VAT1L: variants seen among roughly 807,000 people sequenced by gnomAD.
VAT1L encodes vesicle amine transport 1 like, also known as putative NADPH-dependent quinone oxidoreductase VAT1L.
VAT1L carries 34 observed loss-of-function variants against 44.1 expected under a neutral mutation model. The observed-to-expected ratio is 0.77, with a 90% CI of 0.59 to 1.03. The LOEUF is 1.03. VAT1L is among the 50% of genes least tolerant of loss of function. VAT1L has a pLI of 0.00. For synonymous variants in VAT1L, 253 were observed against 202.2 expected (o/e 1.25, Z -2.13); for missense variants, 615 against 538.8 (o/e 1.14, Z -1.40).
chr16:77,865,969 T>C (rs1420233726), intron 4 of VAT1L, among the ~76,000 whole-genome samples: 5 of 152,238 alleles, frequency 3.3e-5, no homozygotes, highest in Non-Finnish European at 1.5e-5. Flanking sequence ...TGTCTGCTGA[T>C]GTCAGAAGAA....
chr16:77,946,279 CTTTTTTTT>C (rs66461822), intron 7 of VAT1L, among the ~76,000 whole-genome samples: 25 of 70,420 alleles, frequency 3.6e-4, no homozygotes, highest in Admixed American at 9.2e-4. Context: ...GTTACTTGTT[CTTTTTTTT>C]TTTTTTTTTT....
chr16:77,842,842 G>T (rs2016720394), intron 3 of VAT1L, among the ~76,000 whole-genome samples: 2 of 152,170 alleles, frequency 1.3e-5, no homozygotes, highest in Non-Finnish European at 2.9e-5. Context: ...ATTTTACCAT[G>T]TAAATTTGTA....
At chr16:77,907,660 T>C (rs7200115) in intron 7 of VAT1L, among the ~76,000 whole-genome samples, 108,086 of 151,924 alleles carry the variant, frequency 0.71, 38,691 homozygotes, top group South Asian at 0.87. Context: ...CTATAAGCTT[T>C]CTAAAAGCAG....
intron 7 of VAT1L, among the ~76,000 whole-genome samples, chr16:77,927,311 C>T (rs1302527787): frequency 6.8e-6 from 1 of 146,648 alleles, no homozygotes; most frequent in African/African-American, 2.5e-5. Context: ...ACACTCCAGC[C>T]TGGGTGACAG....
At chr16:77,915,613 T>G (rs1420085457) in intron 7 of VAT1L, among the ~76,000 whole-genome samples, 3 of 151,984 alleles carry the variant, frequency 2.0e-5, no homozygotes, top group African/African-American at 7.3e-5. Context: ...AGTGCATGGG[T>G]TAAAACTGCA....
intron 7 of VAT1L, among the ~76,000 whole-genome samples, chr16:77,949,126 C>G (rs2018008684): frequency 6.6e-6 from 1 of 152,094 alleles, no homozygotes. Context: ...AGAGAACAAA[C>G]AGGAGGCTAG....
chr16:77,944,435 G>A (rs180877699), intron 7 of VAT1L, among the ~76,000 whole-genome samples: 38 of 152,268 alleles, frequency 2.5e-4, no homozygotes, highest in African/African-American at 8.2e-4. Context: ...AAGGATAATG[G>A]GCATGACAGA....
At chr16:77,925,236 G>T (rs564754679) in intron 7 of VAT1L, among the ~76,000 whole-genome samples, 2 of 152,132 alleles carry the variant, frequency 1.3e-5, no homozygotes, top group East Asian at 3.9e-4. Context: ...GGAGAGTGAG[G>T]GCCTCCTTAA....
intron 3 of VAT1L, among the ~76,000 whole-genome samples, chr16:77,841,512 C>G (rs1233025363): frequency 6.6e-6 from 1 of 152,218 alleles, no homozygotes; most frequent in Admixed American, 6.5e-5. Flanking sequence ...TAATGGTAGT[C>G]ATGGGACACT....
At chr16:77,828,924 A>T (rs939725935) in intron 3 of VAT1L, among the ~76,000 whole-genome samples, 2 of 152,100 alleles carry the variant, frequency 1.3e-5, no homozygotes, top group Non-Finnish European at 2.9e-5. Flanking sequence ...TAATATCCCA[A>T]ATCTGTGTTT....
At chr16:77,968,882 G>T (rs375746904) in intron 7 of VAT1L, among the ~76,000 whole-genome samples, 1 of 152,014 alleles carries the variant, frequency 6.6e-6, no homozygotes, top group South Asian at 2.1e-4. Context: ...ACAGTGGCGC[G>T]ATTTCAGCTC....
intron 7 of VAT1L, among the ~76,000 whole-genome samples, chr16:77,948,017 C>T (rs2017991446): frequency 6.6e-6 from 1 of 152,210 alleles, no homozygotes; most frequent in Non-Finnish European, 1.5e-5. Context: ...ACCTGGGCCT[C>T]CCAAAGTGCT....
At chr16:77,851,315 C>T (rs1475531122) in intron 3 of VAT1L, among the ~76,000 whole-genome samples, 3 of 152,214 alleles carry the variant, frequency 2.0e-5, no homozygotes, top group African/African-American at 4.8e-5. Flanking sequence ...ATTAGTAAAC[C>T]GAAGACCATA....
In VAT1L at chr16:77,915,353, CAG is replaced by C. The variant is rs1232275994; in HGVS notation, c.1077+30556_1077+30557del. 4.6e-5 allele frequency among the ~76,000 whole-genome samples: 7 copies of C among 152,286 alleles called. No homozygotes were observed. In the South Asian group the frequency reaches 1.0e-3, roughly 23 times the overall value. On this transcript the variant is annotated intron_variant, in intron 7 of 8. Coordinates refer to ENST00000302536, the MANE Select transcript of VAT1L (RefSeq NM_020927.3). ...AAATGTATGCATATACGGATTTTTT[CAG>C]AGAGTCAGTTATTAAACATTTATCT...
intron 7 of VAT1L, among the ~76,000 whole-genome samples, chr16:77,905,329 C>T (rs2017426944): frequency 6.6e-6 from 1 of 152,110 alleles, no homozygotes; most frequent in Non-Finnish European, 1.5e-5. Flanking sequence ...AAAGCAGTAG[C>T]TGAGAGGAGA....
chr16:77,943,468 C>T (rs547144366), intron 7 of VAT1L, among the ~76,000 whole-genome samples: 4 of 150,076 alleles, frequency 2.7e-5, no homozygotes, highest in East Asian at 2.0e-4. Flanking sequence ...GGCACCATCA[C>T]GGCTCACTGC....
chr16:77,833,590 C>A (rs981561376), intron 3 of VAT1L, among the ~76,000 whole-genome samples: 1 of 151,652 alleles, frequency 6.6e-6, no homozygotes, highest in East Asian at 1.9e-4. Context: ...GTCTCTACTA[C>A]AAATACAAAA....
At chr16:77,929,792 G>A (rs2017707619) in intron 7 of VAT1L, among the ~76,000 whole-genome samples, 1 of 152,154 alleles carries the variant, frequency 6.6e-6, no homozygotes, top group African/African-American at 2.4e-5. Context: ...ACTGTCCGAG[G>A]AGACCCAGAT....
chr16:77,805,865 C>CTTTCTTTTTTTTTTTTTTTTTTTTTT (rs2016147307), intron 1 of VAT1L, among the ~76,000 whole-genome samples: 10 of 78,838 alleles, frequency 1.3e-4, no homozygotes, highest in African/African-American at 1.9e-4. Context: ...TAGTCTCTGC[C>CTTTCTTTTTTTTTTTTTTTTTTTTTT]TTTTTTTTTT....
Sources: allele counts gnomAD v4.1 joint callset (sites outside exome capture counted in the v4.1 genomes callset), GRCh38; gene constraint gnomAD v4.1.1; transcripts MANE v1.5; gene names NCBI Gene and HGNC (gene_info 2026-07-23, HGNC 2026-07-21).